GRM7: variants seen among roughly 807,000 people sequenced by gnomAD.
GRM7 encodes glutamate metabotropic receptor 7, also known as metabotropic glutamate receptor 7.
GRM7 carries 35 observed loss-of-function variants against 84.5 expected under a neutral mutation model. The ratio of observed to expected loss-of-function variants is 0.41; its 90% CI spans 0.32 to 0.55. The LOEUF (loss-of-function observed/expected upper bound fraction) is 0.55. GRM7 is among the 20% of genes least tolerant of loss of function. The pLI is 0.19. For missense variants in GRM7, 1,003 were observed against 1,194.6 expected (o/e 0.84, Z 2.36); for synonymous variants, 487 against 455.1 (o/e 1.07, Z -0.89).
At chr3:7,705,633 T>C (rs1701359880) in intron 9 of GRM7, among the ~76,000 whole-genome samples, 1 of 152,166 alleles carries the variant, frequency 6.6e-6, no homozygotes, top group Admixed American at 6.5e-5. Context: ...ATGGGAAAGC[T>C]AGGCAAAGAG....
At chr3:6,891,291 A>T (rs1335358184) in intron 1 of GRM7, among the ~76,000 whole-genome samples, 3 of 152,020 alleles carry the variant, frequency 2.0e-5, no homozygotes, top group Non-Finnish European at 4.4e-5. Context: ...TTAGCTGGTT[A>T]TTTTGCTCAT....
chr3:7,683,046 C>T (rs1700442013), intron 9 of GRM7, among the ~76,000 whole-genome samples: 1 of 152,198 alleles, frequency 6.6e-6, no homozygotes, highest in Non-Finnish European at 1.5e-5. Context: ...TTCCTCTTTG[C>T]TCCTCTGTTT....
chr3:6,928,723 T>A lies in GRM7; in HGVS notation c.519+66816T>A, dbSNP rs999573341. Among the ~76,000 whole-genome samples, 69 of 152,194 alleles carry A rather than the reference T, an allele frequency of 4.5e-4. No homozygotes were observed. The highest frequency in any genetic ancestry group is 1.7e-3 in the African/African-American group (69 of 41,452). ...GGCCTCCAATTTATCACTAAATGGC[T>A]TTTCCATGGATTGCAATCATTGAAA... On this transcript the variant is annotated intron_variant, in intron 1 of 9. Coordinates refer to ENST00000357716, the MANE Select transcript of GRM7 (RefSeq NM_000844.4). The surrounding 1 kb of genome is among the most constrained non-coding windows in gnomAD (Gnocchi z 4.5).
At position 7,329,411 on chromosome 3, in the gene GRM7, G is replaced by A. The variant is rs577171526; in HGVS notation, c.1033+22759G>A. 3.2e-3 allele frequency among the ~76,000 whole-genome samples: 489 copies of A among 152,288 alleles called. 4 individuals carry two copies. The highest frequency in any genetic ancestry group is 0.019 in the South Asian group (93 of 4,826). ...TACTTGGTCCACAATGAGCAAGACT[G>A]CATTGCCGGTAATTGAGAAGTTGCA... is the stretch of plus-strand genomic sequence containing the variant. On this transcript the variant is annotated intron_variant, in intron 4 of 9. Coordinates refer to ENST00000357716, the MANE Select transcript of GRM7 (RefSeq NM_000844.4).
At chr3:7,437,078 A>G (rs757660838) in intron 5 of GRM7, among the ~76,000 whole-genome samples, 1 of 152,128 alleles carries the variant, frequency 6.6e-6, no homozygotes, top group Non-Finnish European at 1.5e-5. Context: ...CATGACTTTT[A>G]TTATTCATTT....
intron 8 of GRM7, among the ~76,000 whole-genome samples, chr3:7,659,384 G>A (rs1699335988): frequency 6.6e-6 from 1 of 152,074 alleles, no homozygotes; most frequent in African/African-American, 2.4e-5. Flanking sequence ...GGCTTCCATT[G>A]GATTAATCTA....
At chr3:7,562,289 C>T (rs1036634723) in intron 7 of GRM7, among the ~76,000 whole-genome samples, 13 of 151,290 alleles carry the variant, frequency 8.6e-5, no homozygotes, top group African/African-American at 2.9e-4. Flanking sequence ...GGCATGGACA[C>T]GATGTGCCAG....
intron 8 of GRM7, among the ~76,000 whole-genome samples, chr3:7,630,857 A>C (rs1181169357): frequency 6.6e-6 from 1 of 152,200 alleles, no homozygotes; most frequent in Admixed American, 6.5e-5. Flanking sequence ...CATAGTTTAA[A>C]TTTGTGTCTG....
intron 7 of GRM7, among the ~76,000 whole-genome samples, chr3:7,552,873 T>C (rs1294257013): frequency 1.3e-5 from 2 of 152,270 alleles, no homozygotes; most frequent in Non-Finnish European, 2.9e-5. Flanking sequence ...CTTGGTGATT[T>C]ACATTTGGCT....
In GRM7 at chr3:6,861,712, T is replaced by C. The variant is rs1311395503; in HGVS notation, c.324T>C (p.Thr108=). The C allele has an allele frequency of 3.7e-6, 6 of 1,614,144 alleles. No homozygotes were observed. Among genetic ancestry groups the C allele is most frequent in the Non-Finnish European group, 5.1e-6 (6 of 1,179,996 alleles). The change falls in exon 1 of 10, where the codon ACT becomes ACC. Residue 108 remains threonine, a synonymous_variant. Transcript: ENST00000357716. This position sits in a 1 kb window ranked among gnomAD's most constrained non-coding sequence, Gnocchi z 6.4. ...NVTLGARILD[T]CSRDTYALEQ... The stretch of plus-strand genomic sequence containing the variant: ...CGCTGGGCGCGCGGATCCTGGACAC[T>C]TGTTCCAGGGACACTTACGCGCTCG...
At chr3:6,987,334 A>G (rs886080091) in intron 1 of GRM7, among the ~76,000 whole-genome samples, 3 of 152,062 alleles carry the variant, frequency 2.0e-5, no homozygotes, top group Non-Finnish European at 4.4e-5. Context: ...TTCTTGTGAT[A>G]GGGAAAGAAA....
At chr3:7,356,288 C>G (rs1693396768) in intron 4 of GRM7, among the ~76,000 whole-genome samples, 1 of 151,522 alleles carries the variant, frequency 6.6e-6, no homozygotes, top group South Asian at 2.1e-4. Context: ...GTGACATCAG[C>G]AGAGGAGGAT....
rs74575230 is a variant in GRM7, at chr3:7,025,348, C to T, written c.520-121104C>T. ...TCTGGGGATGAAGCATTATTCTGTC[C>T]GCCAGGAAGAAATAATAAAATAGAA... On this transcript the variant is annotated intron_variant, in intron 1 of 9. Transcript: ENST00000357716. 3.7e-3 allele frequency among the ~76,000 whole-genome samples: 567 copies of T among 152,186 alleles called. 4 individuals are homozygous for T. Among genetic ancestry groups the T allele is most frequent in the African/African-American group, 0.013 (534 of 41,512 alleles).
At chr3:7,670,260 G>A (rs1699864094) in intron 8 of GRM7, among the ~76,000 whole-genome samples, 1 of 152,172 alleles carries the variant, frequency 6.6e-6, no homozygotes, top group South Asian at 2.1e-4. Flanking sequence ...CTGAAGGGCA[G>A]GAAGGGAGCT....
intron 1 of GRM7, among the ~76,000 whole-genome samples, chr3:6,962,608 A>C (rs1693344841): frequency 6.6e-6 from 1 of 152,238 alleles, no homozygotes; most frequent in African/African-American, 2.4e-5. Flanking sequence ...TCAGTGACAC[A>C]AATAATGCAG....
At chr3:7,262,497 G>A (rs1327836333) in intron 2 of GRM7, among the ~76,000 whole-genome samples, 1 of 151,880 alleles carries the variant, frequency 6.6e-6, no homozygotes, top group African/African-American at 2.4e-5. Flanking sequence ...TGTCAGTTTC[G>A]GTATCATTTT....
At chr3:7,429,294 A>G (rs527550403) in intron 5 of GRM7, among the ~76,000 whole-genome samples, 14 of 152,322 alleles carry the variant, frequency 9.2e-5, no homozygotes, top group African/African-American at 3.4e-4. Context: ...GCCTGTGGTA[A>G]ATGACAATAA....
At chr3:7,348,590 G>A (rs1692994835) in intron 4 of GRM7, among the ~76,000 whole-genome samples, 1 of 152,092 alleles carries the variant, frequency 6.6e-6, no homozygotes, top group African/African-American at 2.4e-5. Context: ...TCAGCAGGTG[G>A]CATTTGTCCA....
chr3:7,292,116 G>T (rs1157134289), intron 2 of GRM7, among the ~76,000 whole-genome samples: 1 of 152,114 alleles, frequency 6.6e-6, no homozygotes, highest in Non-Finnish European at 1.5e-5. Context: ...ACCCAACCTT[G>T]GGTATGTTTT....
Sources: allele counts gnomAD v4.1 joint callset (sites outside exome capture counted in the v4.1 genomes callset), GRCh38; gene constraint gnomAD v4.1.1; non-coding constraint Gnocchi (gnomAD v3.1); transcripts MANE v1.5; gene names NCBI Gene and HGNC (gene_info 2026-07-23, HGNC 2026-07-21).